Variants in CEP112 observed in about 807,000 individuals in gnomAD.
CEP112 encodes centrosomal protein of 112 kDa.
A neutral mutation model predicts 153.0 loss-of-function variants in CEP112; 127 were observed. That is an observed-to-expected ratio of 0.83 (90% CI 0.72 to 0.96). The LOEUF (loss-of-function observed/expected upper bound fraction) is 0.96, where lower values mean the gene tolerates loss of function less well. CEP112 is among the 40% of genes least tolerant of loss of function. CEP112 has a pLI of 0.00. For missense variants in CEP112, 1,089 were observed against 1,101.2 expected (o/e 0.99, Z 0.16); for synonymous variants, 358 against 374.4 (o/e 0.96, Z 0.51).
At chr17:66,029,525 T>C (rs1489140664) in intron 13 of CEP112, among the ~76,000 whole-genome samples, 1 of 151,880 alleles carries the variant, frequency 6.6e-6, no homozygotes, top group African/African-American at 2.4e-5. Context: ...AGTGAGACCG[T>C]GTCTCTACAA....
intron 21 of CEP112, among the ~76,000 whole-genome samples, chr17:65,813,956 G>C (rs992810633): frequency 1.3e-5 from 2 of 152,148 alleles, no homozygotes; most frequent in Non-Finnish European, 2.9e-5. Flanking sequence ...TGATCAATCT[G>C]TTGGGAGTGA....
At chr17:65,893,938 C>T (rs9906014) in intron 20 of CEP112, among the ~76,000 whole-genome samples, 4 of 152,040 alleles carry the variant, frequency 2.6e-5, no homozygotes, top group Admixed American at 2.0e-4. Context: ...CCATTTTGCC[C>T]ATCATTTCTT....
chr17:65,857,791 C>T (rs1263670235), intron 20 of CEP112, among the ~76,000 whole-genome samples: 1 of 151,770 alleles, frequency 6.6e-6, no homozygotes, highest in East Asian at 1.9e-4. Flanking sequence ...CTACCTTTTT[C>T]ATCCTCTGAA....
intron 21 of CEP112, among the ~76,000 whole-genome samples, chr17:65,755,338 A>G (rs1186931018): frequency 6.6e-6 from 1 of 152,122 alleles, no homozygotes; most frequent in Non-Finnish European, 1.5e-5. Flanking sequence ...ACCAGATTGC[A>G]TGACAACTCA....
chr17:66,093,782 C>A (rs1392517667), intron 8 of CEP112, among the ~76,000 whole-genome samples: 2 of 151,894 alleles, frequency 1.3e-5, no homozygotes, highest in Non-Finnish European at 1.5e-5. Flanking sequence ...TCATGCAATC[C>A]CTATCAAAAT....
intron 24 of CEP112, among the ~76,000 whole-genome samples, chr17:65,654,106 T>G (rs1460666628): frequency 8.6e-6 from 1 of 116,074 alleles, no homozygotes; most frequent in Non-Finnish European, 1.9e-5. Context: ...GAAATAGTAG[T>G]AAAAGATGAT....
At chr17:66,129,865 G>T in intron 5 of CEP112, 42 bp from the exon 6 acceptor site, 2 of 1,215,326 alleles carry the variant, frequency 1.6e-6, no homozygotes, top group Non-Finnish European at 2.4e-6. Flanking sequence ...AGGAAGGAAA[G>T]ATGGAAGAAA....
intron 25 of CEP112, among the ~76,000 whole-genome samples, chr17:65,638,024 C>A: frequency 6.6e-6 from 1 of 152,192 alleles, no homozygotes; most frequent in Non-Finnish European, 1.5e-5. Context: ...AGGAAAATTA[C>A]TTAAGCTCTT....
At chr17:65,814,189 G>A (rs1402680191) in intron 21 of CEP112, among the ~76,000 whole-genome samples, 3 of 152,118 alleles carry the variant, frequency 2.0e-5, no homozygotes, top group Non-Finnish European at 2.9e-5. Flanking sequence ...TATTGACAGG[G>A]GCTTTGCTAG....
chr17:66,129,606 A>T, intron 6 of CEP112, 140 bp downstream of exon 6: 1 of 533,540 alleles, frequency 1.9e-6, no homozygotes, highest in Non-Finnish European at 3.3e-6. Context: ...TCCTATACTT[A>T]AGCCCTTCTC....
chr17:65,965,662 T>C (rs1489720155), intron 17 of CEP112, among the ~76,000 whole-genome samples: 1 of 151,668 alleles, frequency 6.6e-6, no homozygotes, highest in Non-Finnish European at 1.5e-5. Flanking sequence ...GCTGGGAATA[T>C]AGGTGCAAGC....
intron 21 of CEP112, among the ~76,000 whole-genome samples, chr17:65,770,209 T>C (rs1328162459): frequency 6.6e-6 from 1 of 150,544 alleles, no homozygotes; most frequent in Non-Finnish European, 1.5e-5. Flanking sequence ...CATAACATAA[T>C]AAAATTGCAA....
intron 16 of CEP112, among the ~76,000 whole-genome samples, chr17:66,012,814 G>T (rs998321743): frequency 1.2e-4 from 18 of 152,192 alleles, no homozygotes; most frequent in African/African-American, 3.9e-4. Flanking sequence ...ATAACCCAAA[G>T]GATATTTTCC....
At chr17:65,733,536 C>G (rs12600473) in intron 23 of CEP112, among the ~76,000 whole-genome samples, 19,169 of 152,100 alleles carry the variant, frequency 0.13, 2,245 homozygotes, top group African/African-American at 0.31. Flanking sequence ...CAAGGTGTGT[C>G]TGTATATACA....
intron 18 of CEP112, among the ~76,000 whole-genome samples, chr17:65,939,727 T>C (rs977753044): frequency 6.6e-6 from 1 of 152,106 alleles, no homozygotes; most frequent in Non-Finnish European, 1.5e-5. Context: ...ATACACCATA[T>C]ACAAAAATAT....
intron 21 of CEP112, among the ~76,000 whole-genome samples, chr17:65,834,016 A>C (rs2057198387): frequency 6.6e-6 from 1 of 152,048 alleles, no homozygotes; most frequent in Non-Finnish European, 1.5e-5. Context: ...TAGACCAATG[A>C]AACAGTATAG....
intron 26 of CEP112, among the ~76,000 whole-genome samples, chr17:65,636,270 C>A (rs890354261): frequency 6.6e-6 from 1 of 152,176 alleles, no homozygotes; most frequent in Non-Finnish European, 1.5e-5. Flanking sequence ...CAGGTAAACA[C>A]AATCTATGTT....
At chr17:65,803,321 A>G (rs749347130) in intron 21 of CEP112, among the ~76,000 whole-genome samples, 6 of 152,234 alleles carry the variant, frequency 3.9e-5, no homozygotes, top group Non-Finnish European at 8.8e-5. Flanking sequence ...TGAAGCCACT[A>G]CACATTTTGT....
intron 18 of CEP112, among the ~76,000 whole-genome samples, chr17:65,948,971 A>G (rs1283663133): frequency 1.3e-5 from 2 of 152,224 alleles, no homozygotes; most frequent in Non-Finnish European, 2.9e-5. Context: ...CTGTAAGAAG[A>G]GAAAAGCGGT....
Sources: gnomAD v4.1 joint callset for allele counts (sites outside exome capture counted in the v4.1 genomes callset) on GRCh38, gnomAD v4.1.1 for gene constraint, MANE v1.5 for transcripts, NCBI Gene and HGNC (gene_info 2026-07-23, HGNC 2026-07-21) for gene names.